The following ADAMTS9 variants were observed in gnomAD, a reference collection of about 807,000 sequenced individuals.
The protein encoded by ADAMTS9 is ADAM metallopeptidase with thrombospondin type 1 motif 9.
Under a neutral mutation model 257.1 loss-of-function variants are expected in ADAMTS9, and 107 were observed. The observed-to-expected ratio is 0.42, with a 90% CI of 0.36 to 0.49. ADAMTS9 has a LOEUF of 0.49. Ranked by LOEUF, ADAMTS9 falls within the 20% of genes least tolerant of loss-of-function variation. ADAMTS9 has a pLI of 0.03. For missense variants in ADAMTS9, 2,353 were observed against 2,469.1 expected (o/e 0.95, Z 1.00); for synonymous variants, 982 against 880.9 (o/e 1.11, Z -2.03).
At chr3:64,630,800 A>T (rs1189794007) in intron 16 of ADAMTS9, among the ~76,000 whole-genome samples, 1 of 152,170 alleles carries the variant, frequency 6.6e-6, no homozygotes, top group African/African-American at 2.4e-5. Flanking sequence ...AAAAAATAAT[A>T]AAATAAGATG....
chr3:64,541,081 C>A lies in ADAMTS9; in HGVS notation c.5521+14G>T, dbSNP rs372269156. ...AGAACGCACACGTTCCCAAAGGACTCCTCACTAACTTACTGATTATCTGCA... is the reference window on the plus strand; with the variant it reads ...AGAACGCACACGTTCCCAAAGGACTACTCACTAACTTACTGATTATCTGCA... On this transcript the variant is annotated intron_variant, in intron 36 of 39. Transcript: ENST00000498707. 1.2e-6 allele frequency: 2 copies of A among 1,613,616 alleles called. No individual in the cohort carries two copies. Among genetic ancestry groups the A allele is most frequent in the Non-Finnish European group, 1.7e-6 (2 of 1,179,786 alleles).
At chr3:64,666,214 A>G (rs11921149) in intron 3 of ADAMTS9, among the ~76,000 whole-genome samples, 106,278 of 152,106 alleles carry the variant, frequency 0.7, 38,150 homozygotes, top group African/African-American at 0.88. Context: ...AAATAACTGG[A>G]ATTATTTCAG....
Position 64,549,674 on chromosome 3 carries a change from T to C in ADAMTS9, c.4869+1218A>G, listed in dbSNP as rs113160644. On this transcript the variant is annotated intron_variant, in intron 31 of 39. Coordinates refer to ENST00000498707, the MANE Select transcript of ADAMTS9 (RefSeq NM_182920.2). ...GACATTTGGGCCAGATAATTCTGTA[T>C]TGTGAGGGCTGCCCTGCGCACTATA... Among the ~76,000 whole-genome samples the C allele has an allele frequency of 5.6e-3, 853 of 152,228 alleles. 11 individuals are homozygous for C. The highest frequency in any genetic ancestry group is 0.02 in the African/African-American group (817 of 41,524).
At chr3:64,618,817 T>A (rs1164776773) in intron 19 of ADAMTS9, among the ~76,000 whole-genome samples, 1 of 152,184 alleles carries the variant, frequency 6.6e-6, no homozygotes, top group African/African-American at 2.4e-5. Flanking sequence ...CTATTTGAGA[T>A]CTTTTGCATC....
rs370600090 is a variant in ADAMTS9, at chr3:64,647,916, A to G, written c.1710+24T>C. The G allele has an allele frequency of 4.9e-4, 777 of 1,600,708 alleles. 1 individual carries two copies. Among genetic ancestry groups the G allele is most frequent in the Non-Finnish European group, 6.3e-4 (737 of 1,173,610 alleles). ...TTGCACATTTCTGCCCTAAGACAGA[A>G]GGACAGAACAGGGCATTACTTGCCT... On this transcript the variant is annotated intron_variant, in intron 11 of 39. Transcript: ENST00000498707.
intron 4 of ADAMTS9, among the ~76,000 whole-genome samples, chr3:64,658,266 A>G (rs1701134665): frequency 6.6e-6 from 1 of 152,248 alleles, no homozygotes; most frequent in Non-Finnish European, 1.5e-5. Context: ...AGGATTCAAA[A>G]TTATACCTTT....
At chr3:64,542,312 G>A (rs983265473) in intron 32 of ADAMTS9, among the ~76,000 whole-genome samples, 1 of 152,144 alleles carries the variant, frequency 6.6e-6, no homozygotes, top group African/African-American at 2.4e-5. Context: ...TTACAGGTGG[G>A]AGATTGGGGC....
intron 8 of ADAMTS9, among the ~76,000 whole-genome samples, chr3:64,652,666 A>G (rs954962974): frequency 6.6e-6 from 1 of 152,216 alleles, no homozygotes; most frequent in African/African-American, 2.4e-5. Context: ...TTAAATAATA[A>G]TAAATGCTTA....
At chr3:64,681,083 A>C (rs1035040581) in intron 3 of ADAMTS9, 118 bp downstream of exon 3, 2 of 1,200,996 alleles carry the variant, frequency 1.7e-6, no homozygotes, top group African/African-American at 3.1e-5. Context: ...TTGAGGACTG[A>C]ATAAACAATA....
At chr3:64,660,578 G>A (rs976240323) in intron 3 of ADAMTS9, among the ~76,000 whole-genome samples, 1 of 152,126 alleles carries the variant, frequency 6.6e-6, no homozygotes, top group African/African-American at 2.4e-5. Context: ...TCCTGCCTGG[G>A]GCTGGAAATC....
intron 3 of ADAMTS9, among the ~76,000 whole-genome samples, chr3:64,660,658 G>A (rs1701200039): frequency 2.0e-5 from 3 of 152,116 alleles, no homozygotes. Flanking sequence ...CAGATCGACT[G>A]TCAAGGTATT....
At chr3:64,651,810 G>A (rs892815778) in intron 8 of ADAMTS9, among the ~76,000 whole-genome samples, 1 of 152,146 alleles carries the variant, frequency 6.6e-6, no homozygotes, top group African/African-American at 2.4e-5. Flanking sequence ...CATGCTTCAT[G>A]CCAGCACCAA....
At chr3:64,633,230 A>T (rs971629909) in intron 14 of ADAMTS9, among the ~76,000 whole-genome samples, 3 of 152,202 alleles carry the variant, frequency 2.0e-5, no homozygotes, top group African/African-American at 7.2e-5. Flanking sequence ...GGTTTTGTGC[A>T]AGACCCCCAC....
intron 30 of ADAMTS9, 172 bp downstream of exon 30, chr3:64,561,406 C>A: frequency 3.7e-6 from 2 of 534,036 alleles, no homozygotes; most frequent in East Asian, 3.8e-5. Flanking sequence ...ACAAGAAGTT[C>A]TCCCACCCTT....
At chr3:64,668,128 A>G (rs866948803) in intron 3 of ADAMTS9, among the ~76,000 whole-genome samples, 7 of 152,178 alleles carry the variant, frequency 4.6e-5, no homozygotes, top group South Asian at 2.1e-4. Context: ...TGCACTTGCC[A>G]TGGCTGCCTC....
At chr3:64,681,066 A>G in intron 3 of ADAMTS9, 135 bp downstream of exon 3, 3 of 1,012,624 alleles carry the variant, frequency 3.0e-6, no homozygotes, top group East Asian at 2.6e-5. Context: ...ATGTATCCCT[A>G]CATCATTTGA....
At chr3:64,599,872 G>A (rs2084427104) in intron 26 of ADAMTS9, among the ~76,000 whole-genome samples, 1 of 152,120 alleles carries the variant, frequency 6.6e-6, no homozygotes, top group Admixed American at 6.5e-5. Context: ...ACACACAGCT[G>A]ATTAGCTGTG....
Position 64,686,066 on chromosome 3 carries a change from G to C in ADAMTS9, c.516+502C>G, listed in dbSNP as rs1401651980. ...GCGTGAATAAAGGCCCTGAGAGAAAGCGGGGACTCTAGATTACGCACCGCC... is the reference window on the plus strand; with the variant it reads ...GCGTGAATAAAGGCCCTGAGAGAAACCGGGGACTCTAGATTACGCACCGCC... On this transcript the variant is annotated intron_variant, in intron 2 of 39. Coordinates refer to ENST00000498707, the MANE Select transcript of ADAMTS9 (RefSeq NM_182920.2). This position sits in a 1 kb window ranked among gnomAD's most constrained non-coding sequence, Gnocchi z 4.6. Among the ~76,000 whole-genome samples the C allele has an allele frequency of 5.9e-5, 9 of 152,204 alleles. No homozygotes were observed. The highest frequency in any genetic ancestry group is 1.0e-4 in the Non-Finnish European group (7 of 68,040).
chr3:64,573,035 C>T (rs895695931), intron 28 of ADAMTS9, among the ~76,000 whole-genome samples: 4 of 148,220 alleles, frequency 2.7e-5, no homozygotes, highest in African/African-American at 1.0e-4. Context: ...TCAAGATCCT[C>T]CACTGCACTC....
Sources: gnomAD v4.1 joint callset for allele counts (sites outside exome capture counted in the v4.1 genomes callset) on GRCh38, gnomAD v4.1.1 for gene constraint, Gnocchi (gnomAD v3.1) non-coding constraint, MANE v1.5 for transcripts, NCBI Gene and HGNC (gene_info 2026-07-23, HGNC 2026-07-21) for gene names.